SLC24A2: variants seen among roughly 807,000 people sequenced by gnomAD.
SLC24A2 encodes sodium/potassium/calcium exchanger 2.
In SLC24A2, 36 loss-of-function variants were observed where a neutral mutation model predicts 62.0. That is an observed-to-expected ratio of 0.58 (90% CI 0.44 to 0.77). The LOEUF is 0.77. SLC24A2 is among the 30% of genes least tolerant of loss of function. The pLI is 0.00. For synonymous variants in SLC24A2, 358 were observed against 294.0 expected (o/e 1.22, Z -2.23); for missense variants, 846 against 817.9 (o/e 1.03, Z -0.42).
chr9:20,092,807 G>A, the SLC24A2 span, among the ~76,000 whole-genome samples: 790 of 152,136 alleles, frequency 5.2e-3, 7 homozygotes, highest in African/African-American at 0.018. Flanking sequence ...TATTAATCAC[G>A]GTCAGAATGC....
At chr9:20,257,218 T>C in the SLC24A2 span, among the ~76,000 whole-genome samples, 2 of 152,182 alleles carry the variant, frequency 1.3e-5, no homozygotes, top group African/African-American at 4.8e-5. Flanking sequence ...ACTGGTTTGA[T>C]CCCAATTGCA....
At chr9:19,826,788 C>G in the SLC24A2 span, among the ~76,000 whole-genome samples, 2 of 152,062 alleles carry the variant, frequency 1.3e-5, no homozygotes, top group Non-Finnish European at 2.9e-5. Flanking sequence ...TTAGTTTCAA[C>G]GTGATTTTTG....
At chr9:20,150,724 A>AT in the SLC24A2 span, among the ~76,000 whole-genome samples, 1 of 151,944 alleles carries the variant, frequency 6.6e-6, no homozygotes, top group Non-Finnish European at 1.5e-5. Context: ...AATAGTAAAA[A>AT]TTATGGCATA....
intron 5 of SLC24A2, among the ~76,000 whole-genome samples, chr9:19,590,937 C>T (rs151173648): frequency 2.4e-4 from 36 of 152,244 alleles, no homozygotes; most frequent in African/African-American, 6.7e-4. Context: ...TTCATTGATG[C>T]GGTCACCTTT....
chr9:19,840,319 C>A, the SLC24A2 span, among the ~76,000 whole-genome samples: 1 of 152,088 alleles, frequency 6.6e-6, no homozygotes, highest in African/African-American at 2.4e-5. Flanking sequence ...AAACCAGTAC[C>A]CAGGCTTGAA....
intron 9 of SLC24A2, among the ~76,000 whole-genome samples, chr9:19,526,235 G>A (rs1265413973): frequency 6.6e-6 from 1 of 151,998 alleles, no homozygotes; most frequent in African/African-American, 2.4e-5. Context: ...ACCATATTTT[G>A]CTTATCCATT....
the SLC24A2 span, among the ~76,000 whole-genome samples, chr9:20,161,858 A>G: frequency 2.0e-5 from 3 of 151,536 alleles, no homozygotes; most frequent in Admixed American, 1.3e-4. Context: ...TACATTCCCA[A>G]TAGGAGTTGG....
At chr9:20,130,814 G>A in the SLC24A2 span, among the ~76,000 whole-genome samples, 1 of 152,250 alleles carries the variant, frequency 6.6e-6, no homozygotes, top group East Asian at 1.9e-4. Context: ...GGCAATGGTG[G>A]CCAGAGCTGT....
chr9:19,728,494 C>A (rs1420625876), intron 2 of SLC24A2, among the ~76,000 whole-genome samples: 2 of 152,126 alleles, frequency 1.3e-5, no homozygotes, highest in East Asian at 1.9e-4. Flanking sequence ...GGAGACTACA[C>A]CTTTCATTAA....
chr9:19,555,198 T>C (rs2132768367), intron 7 of SLC24A2, among the ~76,000 whole-genome samples: 1 of 152,314 alleles, frequency 6.6e-6, no homozygotes, highest in South Asian at 2.1e-4. Context: ...CAAGCCATTG[T>C]TATTTTGGGT....
the SLC24A2 span, among the ~76,000 whole-genome samples, chr9:20,268,202 A>C: frequency 1.3e-5 from 2 of 152,168 alleles, no homozygotes; most frequent in Admixed American, 6.5e-5. Flanking sequence ...TTGACAGTAC[A>C]TTGAAAACTG....
At chr9:19,988,260 C>G in the SLC24A2 span, among the ~76,000 whole-genome samples, 1 of 152,188 alleles carries the variant, frequency 6.6e-6, no homozygotes, top group African/African-American at 2.4e-5. Flanking sequence ...TCCCTCTCCT[C>G]TTTTGTAGAT....
At chr9:19,720,517 C>T (rs1192415240) in intron 2 of SLC24A2, among the ~76,000 whole-genome samples, 1 of 152,146 alleles carries the variant, frequency 6.6e-6, no homozygotes, top group Non-Finnish European at 1.5e-5. Context: ...GGATTATGAG[C>T]CCTGAATGAA....
At chr9:20,041,284 C>G in the SLC24A2 span, among the ~76,000 whole-genome samples, 2 of 152,244 alleles carry the variant, frequency 1.3e-5, no homozygotes, top group Non-Finnish European at 2.9e-5. Context: ...GTAATCTATG[C>G]ACATGCAAAA....
the SLC24A2 span, among the ~76,000 whole-genome samples, chr9:20,160,609 T>C: frequency 6.6e-6 from 1 of 151,194 alleles, no homozygotes; most frequent in Non-Finnish European, 1.5e-5. Flanking sequence ...CAATTATTAA[T>C]AAATCAAAAA....
At chr9:19,837,094 A>G in the SLC24A2 span, among the ~76,000 whole-genome samples, 1 of 152,172 alleles carries the variant, frequency 6.6e-6, no homozygotes, top group African/African-American at 2.4e-5. Context: ...AATAAGAGCT[A>G]TCTATGACAA....
At chr9:19,573,558 C>T in intron 6 of SLC24A2, 89 bp from the exon 7 acceptor site, 1 of 872,950 alleles carries the variant, frequency 1.1e-6, no homozygotes. Context: ...AGAGAGAAAG[C>T]AAATGGAATC....
chr9:19,580,782 T>C (rs983957421), intron 5 of SLC24A2, among the ~76,000 whole-genome samples: 3 of 152,168 alleles, frequency 2.0e-5, no homozygotes, highest in Non-Finnish European at 2.9e-5. Flanking sequence ...TTCTGTGCTT[T>C]AGTTTTCCCA....
chr9:19,693,461 C>G (rs1324894262), intron 2 of SLC24A2, among the ~76,000 whole-genome samples: 7 of 151,980 alleles, frequency 4.6e-5, no homozygotes, highest in Non-Finnish European at 1.0e-4. Context: ...TAATGATTTC[C>G]TTTTCAGTTG....
Sources: allele counts gnomAD v4.1 joint callset (sites outside exome capture counted in the v4.1 genomes callset), GRCh38; gene constraint gnomAD v4.1.1; transcripts MANE v1.5; gene names NCBI Gene and HGNC (gene_info 2026-07-23, HGNC 2026-07-21).